Variants in SSBP2 observed in about 807,000 individuals in gnomAD.
SSBP2 encodes single-stranded DNA-binding protein 2.
SSBP2 carries 17 observed loss-of-function variants against 61.8 expected under a neutral mutation model. The observed-to-expected ratio is 0.28, with a 90% CI of 0.19 to 0.41. SSBP2 has a LOEUF of 0.41. Among genes scored for constraint, SSBP2 ranks in the 10% least tolerant of loss-of-function variants. SSBP2 has a pLI of 1.00. For missense variants in SSBP2, 310 were observed against 458.7 expected (o/e 0.68, Z 2.96); for synonymous variants, 139 against 141.3 (o/e 0.98, Z 0.12).
intron 11 of SSBP2, 83 bp from the exon 12 acceptor site, chr5:81,447,005 A>G: frequency 1.1e-6 from 1 of 933,268 alleles, no homozygotes; most frequent in South Asian, 2.0e-5. Context: ...ATAATAATCC[A>G]ATTTGAAAAT....
intron 1 of SSBP2, among the ~76,000 whole-genome samples, chr5:81,690,473 T>C (rs1472859679): frequency 3.9e-5 from 6 of 151,922 alleles, no homozygotes; most frequent in East Asian, 1.9e-4. Context: ...ACAAAACAGA[T>C]TTCAAGACAA....
At chr5:81,749,918 T>G (rs1757610291) in intron 1 of SSBP2, among the ~76,000 whole-genome samples, 1 of 152,042 alleles carries the variant, frequency 6.6e-6, no homozygotes, top group African/African-American at 2.4e-5. Flanking sequence ...ACCTGAACGC[T>G]TCTCCCCTCC....
chr5:81,566,523 G>T (rs1400410162), intron 4 of SSBP2, among the ~76,000 whole-genome samples: 3 of 152,154 alleles, frequency 2.0e-5, no homozygotes, highest in Non-Finnish European at 4.4e-5. Flanking sequence ...CCAGCTACGT[G>T]TAAGTCCAAT....
chr5:81,504,087 C>T (rs906463772), intron 5 of SSBP2, among the ~76,000 whole-genome samples: 2 of 152,036 alleles, frequency 1.3e-5, no homozygotes, highest in Non-Finnish European at 1.5e-5. Flanking sequence ...CCCCGTGACA[C>T]GAGTTTGCTT....
chr5:81,488,060 A>ATATATATATATATATAT (rs1561459590), intron 6 of SSBP2, among the ~76,000 whole-genome samples: 1 of 56,820 alleles, frequency 1.8e-5, no homozygotes, highest in African/African-American at 7.4e-5. Flanking sequence ...TATATATATA[A>ATATATATATATATATAT]ATAAAATATC....
chr5:81,577,288 C>T (rs1025812227), intron 4 of SSBP2, among the ~76,000 whole-genome samples: 3 of 151,992 alleles, frequency 2.0e-5, no homozygotes, highest in South Asian at 4.2e-4. Flanking sequence ...ATCAATTTTC[C>T]AAAGCCTCTG....
chr5:81,583,609 G>A lies in SSBP2; in HGVS notation c.282+31864C>T, dbSNP rs529214218. 1.5e-4 allele frequency among the ~76,000 whole-genome samples: 20 copies of A among 137,610 alleles called. No homozygotes were observed. In the South Asian group the frequency reaches 2.3e-3, roughly 16 times the overall value. The allele number at this position is 137,610 out of a possible 152,430, so 90.3% of individuals were successfully genotyped here. On this transcript the variant is annotated intron_variant, in intron 4 of 16. Coordinates refer to ENST00000320672, the MANE Select transcript of SSBP2 (RefSeq NM_012446.5). ...TGCGCCACTGCACTCCAGCCTGGGC[G>A]ACAGAGCGAGACACCGTCTCAAAAA...
At chr5:81,747,153 C>T (rs904255880) in intron 1 of SSBP2, among the ~76,000 whole-genome samples, 1 of 152,028 alleles carries the variant, frequency 6.6e-6, no homozygotes, top group Non-Finnish European at 1.5e-5. Context: ...GTGGTTAAGA[C>T]TGCATATTTG....
At chr5:81,493,105 G>T (rs1766982746) in intron 5 of SSBP2, among the ~76,000 whole-genome samples, 1 of 151,804 alleles carries the variant, frequency 6.6e-6, no homozygotes, top group South Asian at 2.1e-4. Flanking sequence ...CCTCTTTGTT[G>T]TGTCAGATTA....
chr5:81,567,215 CAAG>C (rs1228287772), intron 4 of SSBP2, among the ~76,000 whole-genome samples: 1 of 152,106 alleles, frequency 6.6e-6, no homozygotes, highest in Non-Finnish European at 1.5e-5. Context: ...GCCCAGAGGC[CAAG>C]GAGGAAAAAG....
chr5:81,565,163 A>G (rs1773329301), intron 4 of SSBP2, among the ~76,000 whole-genome samples: 2 of 152,202 alleles, frequency 1.3e-5, no homozygotes, highest in South Asian at 4.1e-4. Context: ...CTAGAAATAT[A>G]TTTCTAAATC....
intron 1 of SSBP2, among the ~76,000 whole-genome samples, chr5:81,734,673 G>C (rs1401926287): frequency 6.6e-6 from 1 of 151,930 alleles, no homozygotes; most frequent in East Asian, 1.9e-4. Context: ...TCCAGTTCCC[G>C]AAAGAAAAAT....
intron 1 of SSBP2, among the ~76,000 whole-genome samples, chr5:81,737,804 C>A (rs202146463): frequency 0.021 from 2,736 of 128,992 alleles, 75 homozygotes; most frequent in African/African-American, 0.056. Context: ...AAAAAAAAAA[C>A]AAAAAACTCA....
At chr5:81,718,850 A>G (rs1257361015) in intron 1 of SSBP2, among the ~76,000 whole-genome samples, 1 of 152,184 alleles carries the variant, frequency 6.6e-6, no homozygotes, top group Non-Finnish European at 1.5e-5. Context: ...GTAAGTCTGT[A>G]ACTTCTTTAA....
At chr5:81,483,280 G>C (rs77485080) in intron 6 of SSBP2, among the ~76,000 whole-genome samples, 3,667 of 152,102 alleles carry the variant, frequency 0.024, 151 homozygotes, top group African/African-American at 0.081. Flanking sequence ...CTCAATGCAG[G>C]GTTGCCATAA....
intron 1 of SSBP2, among the ~76,000 whole-genome samples, chr5:81,735,211 A>T (rs1756520944): frequency 6.6e-6 from 1 of 152,182 alleles, no homozygotes; most frequent in South Asian, 2.1e-4. Context: ...TACAACAAAA[A>T]ATAAATAGCC....
chr5:81,595,907 T>C (rs1244678034), intron 4 of SSBP2, among the ~76,000 whole-genome samples: 4 of 152,170 alleles, frequency 2.6e-5, no homozygotes, highest in Admixed American at 6.5e-5. Context: ...TCATACTGAA[T>C]AGGCAAAAAC....
At chr5:81,440,502 G>A in intron 14 of SSBP2, 56 bp downstream of exon 14, 2 of 1,469,904 alleles carry the variant, frequency 1.4e-6, no homozygotes, top group Non-Finnish European at 1.9e-6. Flanking sequence ...TATGCACTAG[G>A]TAGAATTAAG....
At chr5:81,535,539 T>C (rs1320543310) in intron 4 of SSBP2, among the ~76,000 whole-genome samples, 4 of 151,900 alleles carry the variant, frequency 2.6e-5, no homozygotes, top group Non-Finnish European at 5.9e-5. Flanking sequence ...GATAATACGG[T>C]ATTGGAAGGA....
Sources: allele counts gnomAD v4.1 joint callset (sites outside exome capture counted in the v4.1 genomes callset), GRCh38; gene constraint gnomAD v4.1.1; transcripts MANE v1.5; gene names NCBI Gene and HGNC (gene_info 2026-07-23, HGNC 2026-07-21).